The following NBEAL1 variants were observed in gnomAD, a reference collection of about 807,000 sequenced individuals.
The protein encoded by NBEAL1 is neurobeachin like 1, also known as neurobeachin-like protein 1.
A neutral mutation model predicts 351.3 loss-of-function variants in NBEAL1; 273 were observed. The observed-to-expected ratio is 0.78, with a 90% confidence interval of 0.70 to 0.86. The LOEUF (loss-of-function observed/expected upper bound fraction) is 0.86, where lower values mean the gene tolerates loss of function less well. Ranked by LOEUF, NBEAL1 falls within the 40% of genes least tolerant of loss-of-function variation. The probability of loss-of-function intolerance (pLI) is 0.00; values close to 1 mark genes in which losing one functional copy is unlikely to be tolerated. For synonymous variants in NBEAL1, 1,050 were observed against 1,086.4 expected, an observed-to-expected ratio of 0.97 and a Z score of 0.66; for missense variants, 2,961 against 3,201.3, an observed-to-expected ratio of 0.92 and a Z score of 1.81.
chr2:203,071,616 C>A (rs1017421829), intron 7 of NBEAL1, among the ~76,000 whole-genome samples: 1 of 152,164 alleles, frequency 6.6e-6, no homozygotes, highest in African/African-American at 2.4e-5. Flanking sequence ...ATTTTCACAT[C>A]AACTCTGTAA....
In NBEAL1 at chr2:203,081,944, GT is replaced by G. The variant is rs1057058656; in HGVS notation, c.685-1268del. Among the ~76,000 whole-genome samples the G allele has an allele frequency of 1.6e-4, 24 of 152,204 alleles. 1 individual carries two copies. Among genetic ancestry groups the G allele is most frequent in the African/African-American group, 5.8e-4 (24 of 41,536 alleles). Reference sequence around the variant, plus strand: ...AGGGAGACCCTGTCTCTACAAAAAAGTTTTTTTAAATTAGTCAGGTATGATG... The same window carrying G: ...AGGGAGACCCTGTCTCTACAAAAAAGTTTTTTAAATTAGTCAGGTATGATG... On this transcript the variant is annotated intron_variant, in intron 8 of 55. Coordinates refer to ENST00000683969, the MANE Select transcript of NBEAL1 (RefSeq NM_001378026.1).
intron 3 of NBEAL1, among the ~76,000 whole-genome samples, chr2:203,049,003 A>C (rs2061278702): frequency 6.6e-6 from 1 of 151,424 alleles, no homozygotes; most frequent in African/African-American, 2.4e-5. Context: ...TTAGTAAAGC[A>C]GTTGACAAAT....
intron 7 of NBEAL1, among the ~76,000 whole-genome samples, chr2:203,074,256 A>G (rs981387476): frequency 2.6e-5 from 4 of 152,118 alleles, no homozygotes; most frequent in African/African-American, 9.7e-5. Flanking sequence ...ATAAAATGAA[A>G]AGGCATGTAT....
chr2:203,115,311 T>G (rs1305716156), intron 17 of NBEAL1, among the ~76,000 whole-genome samples: 2 of 151,518 alleles, frequency 1.3e-5, no homozygotes, highest in African/African-American at 4.8e-5. Context: ...TTAGTAGACG[T>G]GGGGTTTTTA....
intron 10 of NBEAL1, among the ~76,000 whole-genome samples, chr2:203,096,156 A>G (rs1462086322): frequency 1.3e-5 from 2 of 152,170 alleles, no homozygotes; most frequent in Non-Finnish European, 2.9e-5. Flanking sequence ...TTGATGAGGT[A>G]TTTTTCTCCC....
chr2:203,203,184 CT>C (rs558808363), intron 51 of NBEAL1, among the ~76,000 whole-genome samples: 116 of 148,086 alleles, frequency 7.8e-4, no homozygotes, highest in African/African-American at 2.4e-3. Flanking sequence ...GTTTTCTTTT[CT>C]TTTTTTTTTG....
chr2:203,133,163 G>C lies in NBEAL1; in HGVS notation c.3813+17G>C, dbSNP rs1433575076. The C allele has an allele frequency of 8.1e-7, 1 of 1,234,690 alleles. No homozygotes were observed. Among genetic ancestry groups the C allele is most frequent in the African/African-American group, 1.5e-5 (1 of 65,270 alleles). The allele number at this position is 1,234,690 out of a possible 1,614,324, so 76.5% of individuals were successfully genotyped here. ...TGCAGAAAGGTCAGTAAACTCTTAAGATATATTTTAATGATAGCAGCATCA... is the reference window on the plus strand; with the variant it reads ...TGCAGAAAGGTCAGTAAACTCTTAACATATATTTTAATGATAGCAGCATCA... On this transcript the variant is annotated intron_variant, in intron 27 of 55. Transcript: ENST00000683969.
At chr2:203,190,861 C>T (rs1575108772) in intron 46 of NBEAL1, 2 of 1,611,060 alleles carry the variant, frequency 1.2e-6, no homozygotes, top group Non-Finnish European at 1.7e-6. Flanking sequence ...CACTTCTGCC[C>T]TGGCCCCCAA....
intron 7 of NBEAL1, among the ~76,000 whole-genome samples, chr2:203,076,499 A>T (rs938062868): frequency 6.6e-6 from 1 of 151,500 alleles, no homozygotes; most frequent in Admixed American, 6.6e-5. Flanking sequence ...ACAAACAAAA[A>T]AAAAAGTAGA....
intron 42 of NBEAL1, among the ~76,000 whole-genome samples, chr2:203,176,171 C>CT (rs34311199): frequency 0.27 from 32,590 of 122,858 alleles, 5,209 homozygotes; most frequent in East Asian, 0.58. Context: ...TTTATTGCAT[C>CT]TTTTTTTTTT....
chr2:203,047,081 A>C (rs1048034279), intron 3 of NBEAL1, among the ~76,000 whole-genome samples: 1 of 152,178 alleles, frequency 6.6e-6, no homozygotes, highest in African/African-American at 2.4e-5. Flanking sequence ...TCTACTAAAA[A>C]TACAAAATTA....
intron 50 of NBEAL1, among the ~76,000 whole-genome samples, chr2:203,202,045 ATTAC>A (rs2065414854): frequency 1.3e-5 from 2 of 152,196 alleles, no homozygotes; most frequent in African/African-American, 4.8e-5. Flanking sequence ...CAACTGCTCT[ATTAC>A]TTTGTTAACA....
intron 5 of NBEAL1, among the ~76,000 whole-genome samples, chr2:203,056,738 T>A (rs1387893173): frequency 6.6e-6 from 1 of 152,266 alleles, no homozygotes; most frequent in South Asian, 2.1e-4. Flanking sequence ...CGGCTAACTT[T>A]TGTATTTTTA....
intron 29 of NBEAL1, among the ~76,000 whole-genome samples, chr2:203,137,925 A>C (rs1283701599): frequency 6.6e-6 from 1 of 151,554 alleles, no homozygotes; most frequent in Non-Finnish European, 1.5e-5. Context: ...CAGAGGTTGC[A>C]GTGAGCCGAG....
At chr2:203,183,430 A>G (rs763757717) in intron 44 of NBEAL1, 42 bp downstream of exon 44, 1 of 1,134,306 alleles carries the variant, frequency 8.8e-7, no homozygotes, top group Non-Finnish European at 1.3e-6. Context: ...ATAATAAGAT[A>G]AAAGATGTGT....
chr2:203,109,173 A>T (rs2062506574), intron 14 of NBEAL1, among the ~76,000 whole-genome samples: 1 of 152,156 alleles, frequency 6.6e-6, no homozygotes, highest in South Asian at 2.1e-4. Context: ...TCTGGTCAGT[A>T]TGGAGAAACA....
intron 5 of NBEAL1, 83 bp from the exon 6 acceptor site, chr2:203,057,243 G>T: frequency 8.1e-7 from 1 of 1,241,702 alleles, no homozygotes; most frequent in South Asian, 1.4e-5. Flanking sequence ...CAAAGGGAAA[G>T]TTTGGCTTGT....
chr2:203,072,395 C>T (rs1311380268), intron 7 of NBEAL1, among the ~76,000 whole-genome samples: 1 of 151,618 alleles, frequency 6.6e-6, no homozygotes, highest in Non-Finnish European at 1.5e-5. Flanking sequence ...TTAGAACAAG[C>T]TTTCTTGTTT....
At chr2:203,184,396 A>T (rs1173830036) in intron 44 of NBEAL1, among the ~76,000 whole-genome samples, 1 of 152,192 alleles carries the variant, frequency 6.6e-6, no homozygotes, top group Admixed American at 6.5e-5. Context: ...GCACCACTGC[A>T]CTCCAGCCTG....
Sources: allele counts gnomAD v4.1 joint callset (sites outside exome capture counted in the v4.1 genomes callset), GRCh38; gene constraint gnomAD v4.1.1; transcripts MANE v1.5; gene names NCBI Gene and HGNC (gene_info 2026-07-23, HGNC 2026-07-21).